Variants in SGCZ observed in about 807,000 individuals in gnomAD.
The protein encoded by SGCZ is zeta-sarcoglycan.
Under a neutral mutation model 41.3 loss-of-function variants are expected in SGCZ, and 40 were observed. The ratio of observed to expected loss-of-function variants is 0.97; its 90% confidence interval spans 0.75 to 1.26. The LOEUF (loss-of-function observed/expected upper bound fraction) is 1.26. Ranked by LOEUF, SGCZ falls within the 50% of genes most tolerant of loss-of-function variation. The pLI, the probability that SGCZ is intolerant of heterozygous loss-of-function variation, is 0.00. For synonymous variants in SGCZ, 206 were observed against 137.5 expected (o/e 1.50, Z -3.49); for missense variants, 552 against 369.8 (o/e 1.49, Z -4.04).
intron 2 of SGCZ, among the ~76,000 whole-genome samples, chr8:14,407,716 C>T (rs543636233): frequency 1.1e-3 from 174 of 152,076 alleles, no homozygotes; most frequent in Non-Finnish European, 1.6e-3. Flanking sequence ...GAGAAGATTC[C>T]CATTTGTTGT....
intron 1 of SGCZ, among the ~76,000 whole-genome samples, chr8:14,924,960 C>A (rs541620611): frequency 6.6e-6 from 1 of 150,464 alleles, no homozygotes; most frequent in Non-Finnish European, 1.5e-5. Flanking sequence ...TGGGTTCAAG[C>A]GATTCTTGTG....
At chr8:14,116,256 C>T (rs374119059) in intron 5 of SGCZ, among the ~76,000 whole-genome samples, 11 of 151,998 alleles carry the variant, frequency 7.2e-5, no homozygotes, top group East Asian at 3.9e-4. Flanking sequence ...GCTTTATGAG[C>T]CTGAGCTGCA....
Position 14,895,253 on chromosome 8 carries a change from T to C in SGCZ, c.40-340327A>G, listed in dbSNP as rs113493248. 6.5e-3 allele frequency among the ~76,000 whole-genome samples: 991 copies of C among 152,296 alleles called. 10 individuals are homozygous for C. Among genetic ancestry groups the C allele is most frequent in the African/African-American group, 0.022 (931 of 41,572 alleles). On this transcript the variant is annotated intron_variant, in intron 1 of 7. Coordinates refer to ENST00000382080, the MANE Select transcript of SGCZ (RefSeq NM_139167.4). The stretch of plus-strand genomic sequence containing the variant: ...TTGGGTTCAAATCCTACCTCTGCCA[T>C]GTAATCTTGGGTACATTACCTAATT...
chr8:14,652,348 G>GA (rs1162160428), intron 1 of SGCZ, among the ~76,000 whole-genome samples: 1 of 81,448 alleles, frequency 1.2e-5, no homozygotes, highest in Non-Finnish European at 2.8e-5. Flanking sequence ...AAAAAAAAAG[G>GA]GGGGGGTGTG....
chr8:15,191,569 C>T (rs951453059), intron 1 of SGCZ, among the ~76,000 whole-genome samples: 87 of 151,322 alleles, frequency 5.7e-4, no homozygotes, highest in Middle Eastern at 3.5e-3. Context: ...TCCACTAATT[C>T]ATCATTGTTT....
intron 5 of SGCZ, among the ~76,000 whole-genome samples, chr8:14,156,149 A>C (rs1803869273): frequency 6.6e-6 from 1 of 152,118 alleles, no homozygotes; most frequent in African/African-American, 2.4e-5. Flanking sequence ...AACACTGTGC[A>C]TAGAGGCGAC....
At chr8:15,052,500 G>A (rs1386302885) in intron 1 of SGCZ, among the ~76,000 whole-genome samples, 6 of 152,076 alleles carry the variant, frequency 3.9e-5, no homozygotes, top group South Asian at 4.1e-4. Flanking sequence ...TGACAGTGTC[G>A]CAGTCAGTGG....
At chr8:14,152,115 G>C (rs924836019) in intron 5 of SGCZ, among the ~76,000 whole-genome samples, 1 of 151,922 alleles carries the variant, frequency 6.6e-6, no homozygotes. Flanking sequence ...TCTCATGAAA[G>C]ACTTGACTAA....
chr8:14,217,859 G>T (rs181850530), intron 4 of SGCZ, among the ~76,000 whole-genome samples: 8 of 152,038 alleles, frequency 5.3e-5, no homozygotes, highest in African/African-American at 1.7e-4. Context: ...TTGAACTCCT[G>T]ACTTCAAGTG....
chr8:14,723,738 T>G (rs1809964286), intron 1 of SGCZ, among the ~76,000 whole-genome samples: 1 of 152,088 alleles, frequency 6.6e-6, no homozygotes, highest in African/African-American at 2.4e-5. Flanking sequence ...CATCTATGTG[T>G]ATATTATACA....
Position 14,382,418 on chromosome 8 carries a change from T to A in SGCZ, c.235-58214A>T, listed in dbSNP as rs79287248. On this transcript the variant is annotated intron_variant, in intron 2 of 7. Coordinates refer to ENST00000382080, the MANE Select transcript of SGCZ (RefSeq NM_139167.4). The stretch of plus-strand genomic sequence containing the variant: ...TCTGATGGTCACTAACAAAAAAATT[T>A]AAAAAAAAACACAATACCATATCAC... Among the ~76,000 whole-genome samples, 1,323 of 151,012 alleles carry A rather than the reference T, an allele frequency of 8.8e-3. 57 individuals carry two copies. The highest frequency in any genetic ancestry group is 0.065 in the Admixed American group (986 of 15,182).
intron 1 of SGCZ, among the ~76,000 whole-genome samples, chr8:14,950,562 T>C (rs775258923): frequency 6.6e-6 from 1 of 151,994 alleles, no homozygotes; most frequent in African/African-American, 2.4e-5. Context: ...AGCAGTAACA[T>C]TGGATAAGTC....
chr8:14,983,153 T>C (rs546307104), intron 1 of SGCZ, among the ~76,000 whole-genome samples: 2 of 151,946 alleles, frequency 1.3e-5, no homozygotes, highest in East Asian at 3.9e-4. Flanking sequence ...GCTTATTTCA[T>C]TGTATTCGGT....
At chr8:14,348,820 A>C (rs1472748085) in intron 2 of SGCZ, among the ~76,000 whole-genome samples, 2 of 152,166 alleles carry the variant, frequency 1.3e-5, no homozygotes, top group Non-Finnish European at 2.9e-5. Flanking sequence ...TTCTCAACCA[A>C]ATACATTAAA....
At chr8:14,643,943 G>C (rs1014546656) in intron 1 of SGCZ, among the ~76,000 whole-genome samples, 3 of 151,008 alleles carry the variant, frequency 2.0e-5, no homozygotes, top group Non-Finnish European at 4.4e-5. Flanking sequence ...TTATAAGTCA[G>C]TGTGAATGAA....
At chr8:14,874,041 G>C (rs377284458) in intron 1 of SGCZ, among the ~76,000 whole-genome samples, 1 of 149,382 alleles carries the variant, frequency 6.7e-6, no homozygotes, top group Non-Finnish European at 1.5e-5. Flanking sequence ...ATGGAAAACT[G>C]TGATTTACTT....
chr8:14,227,932 CT>C (rs1490799150), intron 4 of SGCZ, among the ~76,000 whole-genome samples: 5 of 152,154 alleles, frequency 3.3e-5, no homozygotes, highest in East Asian at 3.9e-4. Context: ...TGGTTTCCCC[CT>C]AGCTTCTCTC....
intron 1 of SGCZ, among the ~76,000 whole-genome samples, chr8:14,573,189 CTTTTTTTTTTT>C (rs35000758): frequency 6.5e-5 from 5 of 76,464 alleles, no homozygotes; most frequent in East Asian, 4.4e-4. Flanking sequence ...CTTAGCAAGT[CTTTTTTTTTTT>C]TTTTTTTTTT....
intron 1 of SGCZ, among the ~76,000 whole-genome samples, chr8:15,143,117 A>G (rs927676601): frequency 6.6e-6 from 1 of 152,198 alleles, no homozygotes; most frequent in African/African-American, 2.4e-5. Flanking sequence ...CCATATGTGG[A>G]TAATGTCAGA....
Sources: allele counts gnomAD v4.1 joint callset (sites outside exome capture counted in the v4.1 genomes callset), GRCh38; gene constraint gnomAD v4.1.1; transcripts MANE v1.5; gene names NCBI Gene and HGNC (gene_info 2026-07-23, HGNC 2026-07-21).